MEGF6: variants seen among roughly 807,000 people sequenced by gnomAD.
MEGF6 encodes the protein multiple EGF like domains 6, also known as multiple epidermal growth factor-like domains protein 6.
MEGF6 carries 184 observed loss-of-function variants against 207.1 expected under a neutral mutation model. That is an observed-to-expected ratio of 0.89 (90% confidence interval 0.79 to 1.00). The LOEUF (loss-of-function observed/expected upper bound fraction) is 1.00, where lower values mean the gene tolerates loss of function less well. MEGF6 is among the 50% of genes least tolerant of loss of function. The pLI is 0.00. For synonymous variants in MEGF6, 1,038 were observed against 910.0 expected (o/e 1.14, Z -2.53); for missense variants, 2,282 against 2,202.9 (o/e 1.04, Z -0.72).
chr1:3,514,912 A>G (rs765077874), intron 6 of MEGF6, among the ~76,000 whole-genome samples: 17 of 152,134 alleles, frequency 1.1e-4, no homozygotes, highest in Admixed American at 1.3e-4. Flanking sequence ...GGCCCAGGCC[A>G]GCTCCTCCCA....
chr1:3,529,780 G>T (rs1642087407), intron 4 of MEGF6, among the ~76,000 whole-genome samples: 1 of 152,246 alleles, frequency 6.6e-6, no homozygotes, highest in Non-Finnish European at 1.5e-5. Flanking sequence ...GACAGGCATG[G>T]CTGGGCTGCC....
chr1:3,579,252 G>A lies in MEGF6; in HGVS notation c.481+573C>T, dbSNP rs79521133. Among the ~76,000 whole-genome samples the A allele has an allele frequency of 3.9e-3, 601 of 152,306 alleles. 31 individuals carry two copies. In the East Asian group the frequency reaches 0.099, roughly 25 times the overall value. On this transcript the variant is annotated intron_variant, in intron 4 of 36. Transcript: ENST00000356575. ...CTGCCGCTTTTCCCCGCATTGGCAC[G>A]CACTTTTCTTTACAGAAATCCCGTC...
At chr1:3,557,465 ACT>A (rs1356955272) in intron 4 of MEGF6, among the ~76,000 whole-genome samples, 1 of 152,186 alleles carries the variant, frequency 6.6e-6, no homozygotes, top group Non-Finnish European at 1.5e-5. Context: ...AGGAGGAGCC[ACT>A]GTCTAAGCAA....
intron 22 of MEGF6, 37 bp from the exon 23 acceptor site, chr1:3,499,753 C>G (rs761759157): frequency 6.3e-7 from 1 of 1,592,146 alleles, no homozygotes; most frequent in Admixed American, 1.7e-5. Context: ...GGGGCCCACA[C>G]TGGAGGCCAC....
chr1:3,492,931 G>T, intron 34 of MEGF6, 164 bp from the exon 35 acceptor site: 1 of 890,814 alleles, frequency 1.1e-6, no homozygotes, highest in Non-Finnish European at 1.7e-6. Flanking sequence ...CCCCTGAGGA[G>T]TAAACAGTCC....
At chr1:3,506,078 A>T (rs2247236) in intron 15 of MEGF6, 30 bp downstream of exon 15, 2 of 1,568,162 alleles carry the variant, frequency 1.3e-6, no homozygotes, top group Admixed American at 3.7e-5. Context: ...TGCCACCACC[A>T]TGGACACTGG....
At chr1:3,508,511 G>A (rs1030104308) in intron 13 of MEGF6, 47 bp downstream of exon 13, 2 of 1,591,272 alleles carry the variant, frequency 1.3e-6, no homozygotes, top group African/African-American at 2.7e-5. Flanking sequence ...AGGTCTTGGG[G>A]CTCAGAGGCC....
rs538497651 is a variant in MEGF6, at chr1:3,556,978, T to C, written c.481+22847A>G. On this transcript the variant is annotated intron_variant, in intron 4 of 36. Coordinates refer to ENST00000356575, the MANE Select transcript of MEGF6 (RefSeq NM_001409.4). The surrounding 1 kb of genome is among the most constrained non-coding windows in gnomAD (Gnocchi z 4.4). ...GGGGCCTGGTGGAATCACATGGAGT[T>C]TCATGGGTGCTGGGGATGCGGGGAA... Among the ~76,000 whole-genome samples, 1 of 152,096 alleles carries C rather than the reference T, an allele frequency of 6.6e-6. No homozygotes were observed. Among genetic ancestry groups the C allele is most frequent in the East Asian group, 1.9e-4 (1 of 5,164 alleles).
At chr1:3,529,529 T>C (rs1307504542) in intron 4 of MEGF6, among the ~76,000 whole-genome samples, 2 of 152,188 alleles carry the variant, frequency 1.3e-5, no homozygotes, top group African/African-American at 4.8e-5. Context: ...TGGGCCAGGA[T>C]CCTGCTGCTG....
chr1:3,579,330 G>A (rs924435374), intron 4 of MEGF6, among the ~76,000 whole-genome samples: 2 of 152,186 alleles, frequency 1.3e-5, no homozygotes, highest in Non-Finnish European at 2.9e-5. Flanking sequence ...CATCTCCTTC[G>A]CCACCAGCTC....
upstream of MEGF6, among the ~76,000 whole-genome samples, chr1:3,614,105 G>T (rs4648531): frequency 0.023 from 3,547 of 152,282 alleles, 149 homozygotes; most frequent in East Asian, 0.16. Context: ...ATCCACCGGG[G>T]AGGTCTGTGG....
intron 4 of MEGF6, among the ~76,000 whole-genome samples, chr1:3,538,709 TG>T (rs1642409033): frequency 8.3e-6 from 1 of 121,150 alleles, no homozygotes; most frequent in Non-Finnish European, 2.0e-5. Flanking sequence ...TGTGTGTGTG[TG>T]TGTGTGTGTG....
intron 4 of MEGF6, among the ~76,000 whole-genome samples, chr1:3,557,722 G>C (rs1005434411): frequency 1.3e-5 from 2 of 152,244 alleles, no homozygotes; most frequent in African/African-American, 4.8e-5. Flanking sequence ...GGGGGGCCCA[G>C]GAAGCACCAG....
chr1:3,509,957 C>A lies in MEGF6; in HGVS notation c.1270G>T (p.Glu424Ter), dbSNP rs938041872. The A allele has an allele frequency of 3.2e-6, 5 of 1,582,562 alleles. No homozygotes were observed. In the African/African-American group the frequency reaches 5.4e-5, roughly 17 times the overall value. Residue 424 changes from glutamate (E) to a stop codon, truncating the protein, a stop_gained, in exon 11 of 37, where the codon GAG becomes TAG. Transcript: ENST00000356575. LOFTEE classifies it high-confidence loss of function. The part of the protein sequence containing the change: ...DECASSRGGC[E>*]HHCTNLAGSF... ...CCGGCCAGGTTGGTGCAGTGGTGCT[C>A]GCAGCCGCCACGGCTGGAGGCGCAC... is the stretch of plus-strand genomic sequence containing the variant.
chr1:3,531,310 C>T (rs1642159876), intron 4 of MEGF6: 2 of 1,242,382 alleles, frequency 1.6e-6, no homozygotes, highest in African/African-American at 1.6e-5. Flanking sequence ...AGCCGGCGGC[C>T]GGGCGACGGG....
intron 4 of MEGF6, among the ~76,000 whole-genome samples, chr1:3,569,145 G>A (rs1398532533): frequency 6.6e-6 from 1 of 152,186 alleles, no homozygotes; most frequent in Admixed American, 6.5e-5. Context: ...ACACCCTAGA[G>A]ACCCCCGCCA....
chr1:3,531,552 G>A (rs1232074914), intron 4 of MEGF6: 3 of 948,952 alleles, frequency 3.2e-6, no homozygotes, highest in South Asian at 5.0e-5. Context: ...AGGGGGCCGC[G>A]CCGGCCCGCC....
At position 3,497,004 on chromosome 1, in the gene MEGF6, G is replaced by A; in HGVS notation, c.3597C>T (p.Gly1199=). Residue 1199 remains glycine, a synonymous_variant, in exon 28 of 37, where the codon GGC becomes GGT. Coordinates refer to ENST00000356575, the MANE Select transcript of MEGF6 (RefSeq NM_001409.4). ...AGCACTCACGTTGCTGGCAGCTGGG[G>A]CCGTGGTAGCCAGCAGCACATGAGC... ...GTCSCAAGYH[G]PSCQQRCPPG... The A allele has an allele frequency of 6.5e-7, 1 of 1,550,316 alleles. No homozygotes were observed. Among genetic ancestry groups the A allele is most frequent in the Non-Finnish European group, 8.7e-7 (1 of 1,147,556 alleles).
At position 3,536,311 on chromosome 1, in the gene MEGF6, G is replaced by T. The variant is rs116484047; in HGVS notation, c.482-12065C>A. On this transcript the variant is annotated intron_variant, in intron 4 of 36. Coordinates refer to ENST00000356575, the MANE Select transcript of MEGF6 (RefSeq NM_001409.4). ...TTTTTTATGCAACAACGATGTGTGTGCCCACCACAGGCAGGACATGGCTCT... is the reference window on the plus strand; with the variant it reads ...TTTTTTATGCAACAACGATGTGTGTTCCCACCACAGGCAGGACATGGCTCT... Among the ~76,000 whole-genome samples the T allele has an allele frequency of 3.9e-3, 598 of 151,974 alleles. 3 individuals carry two copies. Among genetic ancestry groups the T allele is most frequent in the Non-Finnish European group, 5.6e-3 (378 of 67,930 alleles).
Sources: gnomAD v4.1 joint callset for allele counts (sites outside exome capture counted in the v4.1 genomes callset) on GRCh38, gnomAD v4.1.1 for gene constraint, Gnocchi (gnomAD v3.1) non-coding constraint, MANE v1.5 for transcripts, NCBI Gene and HGNC (gene_info 2026-07-23, HGNC 2026-07-21) for gene names.